Variants in USP32 observed in about 807,000 individuals in gnomAD.
USP32 encodes the protein ubiquitin carboxyl-terminal hydrolase 32.
USP32 carries 59 observed loss-of-function variants against 204.8 expected under a neutral mutation model. The ratio of observed to expected loss-of-function variants is 0.29; its 90% CI spans 0.23 to 0.36. The LOEUF (loss-of-function observed/expected upper bound fraction) is 0.36. Ranked by LOEUF, USP32 falls within the 10% of genes least tolerant of loss-of-function variation. The pLI, the probability that USP32 is intolerant of heterozygous loss-of-function variation, is 1.00. For synonymous variants in USP32, 517 were observed against 678.4 expected (o/e 0.76, Z 3.70); for missense variants, 1,160 against 1,946.4 (o/e 0.60, Z 7.60).
chr17:60,219,157 C>T (rs2085177692), intron 16 of USP32, among the ~76,000 whole-genome samples: 1 of 151,922 alleles, frequency 6.6e-6, no homozygotes, highest in African/African-American at 2.4e-5. Context: ...TTAGATCAAG[C>T]ATGAGAAATG....
At chr17:60,346,022 G>A (rs1375196233) in intron 1 of USP32, among the ~76,000 whole-genome samples, 6 of 151,864 alleles carry the variant, frequency 4.0e-5, no homozygotes, top group Non-Finnish European at 8.8e-5. Context: ...AGAAAAATTG[G>A]CAAGCATTAC....
chr17:60,207,891 T>C, intron 24 of USP32, 168 bp downstream of exon 24: 3 of 1,221,548 alleles, frequency 2.5e-6, no homozygotes, highest in Non-Finnish European at 3.4e-6. Context: ...TAGAAAACTC[T>C]TAAGTTTCTG....
intron 7 of USP32, among the ~76,000 whole-genome samples, chr17:60,268,332 G>A (rs2145777704): frequency 6.6e-6 from 1 of 151,992 alleles, no homozygotes; most frequent in South Asian, 2.1e-4. Flanking sequence ...ACTTTGGAAG[G>A]CTGAGGTGGG....
At chr17:60,265,935 G>A in intron 8 of USP32, 41 bp downstream of exon 8, 1 of 1,462,262 alleles carries the variant, frequency 6.8e-7, no homozygotes, top group Non-Finnish European at 9.5e-7. Flanking sequence ...ATTTCCCATT[G>A]GAAGTTTATA....
chr17:60,303,487 A>G (rs2087639317), intron 2 of USP32, among the ~76,000 whole-genome samples: 1 of 152,224 alleles, frequency 6.6e-6, no homozygotes, highest in East Asian at 1.9e-4. Context: ...AGTTGAAGGT[A>G]GAGCAAACAT....
rs1006399121 is a variant in USP32 at position 60,349,226 on chromosome 17, T to C, written c.59-3618A>G. 2.4e-4 allele frequency among the ~76,000 whole-genome samples: 36 copies of C among 151,034 alleles called. 1 individual carries two copies. Among genetic ancestry groups the C allele is most frequent in the Non-Finnish European group, 1.2e-4 (8 of 67,814 alleles). On this transcript the variant is annotated intron_variant, in intron 1 of 33. Coordinates refer to ENST00000300896, the MANE Select transcript of USP32 (RefSeq NM_032582.4). ...ACTACCTGTATAACAGTATAGGTAA[T>C]CTCCTATAGTGTTGGTTACAGATTA...
intron 9 of USP32, among the ~76,000 whole-genome samples, chr17:60,257,255 G>A (rs1193736740): frequency 2.0e-5 from 3 of 152,182 alleles, no homozygotes; most frequent in Non-Finnish European, 4.4e-5. Flanking sequence ...ATTGGCAGAT[G>A]ACTGGTAGAA....
Position 60,178,150 on chromosome 17 carries a change from A to G in USP32, c.*1105T>C, listed in dbSNP as rs2084013253. On this transcript the variant is annotated 3_prime_UTR_variant, in exon 34 of 34. Coordinates refer to ENST00000300896, the MANE Select transcript of USP32 (RefSeq NM_032582.4). Reference sequence around the variant, plus strand: ...AAAGCAAAACTAAAGTTGACTTCCTAAAACCACCAATTTCATTAAATACAC... The same window carrying G: ...AAAGCAAAACTAAAGTTGACTTCCTGAAACCACCAATTTCATTAAATACAC... 6.6e-6 allele frequency among the ~76,000 whole-genome samples: 1 copy of G among 152,232 alleles called. No homozygotes were observed. Among genetic ancestry groups the G allele is most frequent in the Non-Finnish European group, 1.5e-5 (1 of 68,042 alleles).
At position 60,209,395 on chromosome 17, in the gene USP32, C is replaced by T. The variant is rs768392859; in HGVS notation, c.2573G>A (p.Arg858Gln). ...PYVELKDSDG[R>Q]PDWEVAAEAW... ...CTCTGCAGCTACTTCCCAGTCTGGT[C>T]GCCCATCACTGTCCTTCAGTTCCAC... Residue 858 changes from arginine (R) to glutamine (Q), a missense_variant, in exon 22 of 34, where the codon CGA (arginine) becomes CAA (glutamine). By Grantham distance (43) the Arg-to-Gln change is conservative. Transcript: ENST00000300896. 3.3e-6 allele frequency: 5 copies of T among 1,504,132 alleles called. No homozygotes were observed. Among genetic ancestry groups the T allele is most frequent in the African/African-American group, 2.9e-5 (2 of 70,162 alleles). 93.2% of individuals were successfully genotyped at this position (1,504,132 alleles called of 1,614,324 possible). A position where few individuals can be genotyped will look rare whatever the true frequency, so the allele number is the denominator to read the frequency against.
intron 33 of USP32, among the ~76,000 whole-genome samples, chr17:60,179,681 T>G (rs1040512696): frequency 3.3e-5 from 5 of 151,018 alleles, no homozygotes; most frequent in Non-Finnish European, 5.9e-5. Context: ...TCTATTTATT[T>G]ATTTTTTTGA....
chr17:60,293,278 C>T (rs1439749989), intron 4 of USP32, among the ~76,000 whole-genome samples: 4 of 152,054 alleles, frequency 2.6e-5, no homozygotes, highest in African/African-American at 9.7e-5. Context: ...ATGAGAATGT[C>T]TGCATAAACC....
intron 1 of USP32, among the ~76,000 whole-genome samples, chr17:60,351,398 T>A (rs2088943224): frequency 6.6e-6 from 1 of 151,992 alleles, no homozygotes; most frequent in East Asian, 1.9e-4. Flanking sequence ...TTAGCTGATT[T>A]TTTTCAACAA....
Position 60,327,830 on chromosome 17 carries a change from C to A in USP32, c.186+17651G>T, listed in dbSNP as rs910770125. ...ATCTTGGAGCAGGGCTGAAGCCAAG[C>A]CAGGTAACTGTCACAGCCCGGCCAG... On this transcript the variant is annotated intron_variant, in intron 2 of 33. Transcript: ENST00000300896. Among the ~76,000 whole-genome samples the A allele has an allele frequency of 5.3e-5, 8 of 152,328 alleles. No homozygotes were observed. The East Asian group carries it at 1.5e-3, about 29-fold the overall frequency.
chr17:60,265,930 C>A, intron 8 of USP32, 46 bp downstream of exon 8: 1 of 1,405,372 alleles, frequency 7.1e-7, no homozygotes, highest in South Asian at 1.2e-5. Flanking sequence ...CTCCAATTTC[C>A]CATTGGAAGT....
chr17:60,238,681 A>G, intron 11 of USP32, among the ~76,000 whole-genome samples: 1 of 151,838 alleles, frequency 6.6e-6, no homozygotes, highest in East Asian at 1.9e-4. Context: ...GTGGGCACCT[A>G]TAATCCCAGC....
upstream of USP32, among the ~76,000 whole-genome samples, chr17:60,393,405 T>C (rs1027619007): frequency 6.6e-6 from 1 of 152,190 alleles, no homozygotes; most frequent in African/African-American, 2.4e-5. Flanking sequence ...ACACAACCTA[T>C]AGGAAACCAT....
intron 2 of USP32, chr17:60,316,258 A>C (rs2087974280): frequency 6.1e-6 from 1 of 165,128 alleles, no homozygotes; most frequent in Non-Finnish European, 1.3e-5. Flanking sequence ...CTCAAAAAAA[A>C]AAAAAAATTC....
chr17:60,414,038 G>A (rs570304976), intron 1 of USP32, among the ~76,000 whole-genome samples: 2 of 151,870 alleles, frequency 1.3e-5, no homozygotes, highest in Non-Finnish European at 2.9e-5. Context: ...TGTGGGTCCG[G>A]GTTTCTGAAA....
chr17:60,317,658 A>G (rs2088015198), intron 2 of USP32, among the ~76,000 whole-genome samples: 1 of 152,084 alleles, frequency 6.6e-6, no homozygotes, highest in African/African-American at 2.4e-5. Flanking sequence ...GCTACAAAAT[A>G]TTCAAGAATT....
Sources: gnomAD v4.1 joint callset for allele counts (sites outside exome capture counted in the v4.1 genomes callset) on GRCh38, gnomAD v4.1.1 for gene constraint, MANE v1.5 for transcripts, NCBI Gene and HGNC (gene_info 2026-07-23, HGNC 2026-07-21) for gene names.